EEFSEC: variants seen among roughly 807,000 people sequenced by gnomAD.
EEFSEC encodes the protein eukaryotic elongation factor, selenocysteine-tRNA specific.
Under a neutral mutation model 42.1 loss-of-function variants are expected in EEFSEC, and 43 were observed. That is an observed-to-expected ratio of 1.02 (90% confidence interval 0.80 to 1.32). The LOEUF (loss-of-function observed/expected upper bound fraction) is 1.32, where lower values mean the gene tolerates loss of function less well. Among genes scored for constraint, EEFSEC ranks in the 40% most tolerant of loss-of-function variants. EEFSEC has a pLI of 0.00. For synonymous variants in EEFSEC, 354 were observed against 339.1 expected, an observed-to-expected ratio of 1.04 and a Z score of -0.48; for missense variants, 745 against 803.6, an observed-to-expected ratio of 0.93 and a Z score of 0.88.
intron 1 of EEFSEC, among the ~76,000 whole-genome samples, chr3:128,221,279 A>G (rs1437421462): frequency 6.6e-6 from 1 of 152,222 alleles, no homozygotes. Flanking sequence ...TAGACTAGAA[A>G]AGGAGGTCAA....
At chr3:128,195,455 C>T (rs1273613526) in intron 1 of EEFSEC, among the ~76,000 whole-genome samples, 2 of 152,162 alleles carry the variant, frequency 1.3e-5, no homozygotes, top group African/African-American at 4.8e-5. Flanking sequence ...CCTGTGTCTG[C>T]AGCTGAGCAC....
intron 5 of EEFSEC, among the ~76,000 whole-genome samples, chr3:128,349,519 G>A (rs979818276): frequency 3.3e-5 from 5 of 152,160 alleles, no homozygotes; most frequent in African/African-American, 1.2e-4. Flanking sequence ...GTGAGGGTCT[G>A]GTGCTTAGGA....
chr3:128,246,983 A>G lies in EEFSEC; in HGVS notation c.464A>G (p.Lys155Arg). The change falls in exon 2 of 7, where the codon AAG becomes AGG. Residue 155 changes from lysine to arginine, a missense_variant. Lys to Arg is a conservative substitution (Grantham distance 26, BLOSUM62 2). Coordinates refer to ENST00000254730, the MANE Select transcript of EEFSEC (RefSeq NM_021937.5). ...AAAATAGACCTCTTACCTGAAGGAAAGAGACAGGCAGCAATTGATAAAATG... is the reference window on the plus strand; with the variant it reads ...AAAATAGACCTCTTACCTGAAGGAAGGAGACAGGCAGCAATTGATAAAATG... The part of the protein sequence containing the change: ...LNKIDLLPEG[K>R]RQAAIDKMTK... The G allele has an allele frequency of 1.2e-6, 2 of 1,614,204 alleles. No individual in the cohort carries two copies. Among genetic ancestry groups the G allele is most frequent in the Non-Finnish European group, 1.7e-6 (2 of 1,180,034 alleles).
chr3:128,185,324 G>C (rs755186153), intron 1 of EEFSEC, among the ~76,000 whole-genome samples: 2 of 151,972 alleles, frequency 1.3e-5, no homozygotes, highest in Admixed American at 6.6e-5. Context: ...TTAATATTAT[G>C]AAGCACTTCA....
chr3:128,342,564 G>A (rs927547272), intron 5 of EEFSEC, among the ~76,000 whole-genome samples: 9 of 152,254 alleles, frequency 5.9e-5, no homozygotes, highest in Non-Finnish European at 7.3e-5. Context: ...GTTCACCATC[G>A]CTAGATGCAG....
chr3:128,393,598 G>C (rs970461414), intron 6 of EEFSEC, among the ~76,000 whole-genome samples: 3 of 152,256 alleles, frequency 2.0e-5, no homozygotes, highest in Non-Finnish European at 4.4e-5. Flanking sequence ...CCACAATGCA[G>C]GATCTGAGCC....
chr3:128,266,094 A>T (rs983887445), intron 4 of EEFSEC, among the ~76,000 whole-genome samples: 1 of 152,200 alleles, frequency 6.6e-6, no homozygotes, highest in East Asian at 1.9e-4. Flanking sequence ...TGAGGAGGTT[A>T]ATCCTTTTGT....
chr3:128,306,060 T>G (rs1329903171), intron 4 of EEFSEC, among the ~76,000 whole-genome samples: 1 of 152,208 alleles, frequency 6.6e-6, no homozygotes, highest in Non-Finnish European at 1.5e-5. Context: ...AGTTGTTTGG[T>G]TTTTTTCCCC....
chr3:128,311,589 G>C (rs566652885), intron 4 of EEFSEC, among the ~76,000 whole-genome samples: 1 of 152,206 alleles, frequency 6.6e-6, no homozygotes, highest in Non-Finnish European at 1.5e-5. Context: ...TCAGGCCCAC[G>C]GAGCTAGTTT....
intron 4 of EEFSEC, among the ~76,000 whole-genome samples, chr3:128,295,045 C>A (rs949076437): frequency 1.2e-4 from 18 of 152,156 alleles, no homozygotes. Context: ...GCTGGCTGCA[C>A]CATGTGTGGT....
intron 1 of EEFSEC, among the ~76,000 whole-genome samples, chr3:128,228,748 C>T (rs1201240053): frequency 1.3e-5 from 2 of 152,076 alleles, no homozygotes; most frequent in South Asian, 2.1e-4. Flanking sequence ...ACTCTCTGTG[C>T]CTTGATGTGA....
intron 1 of EEFSEC, among the ~76,000 whole-genome samples, chr3:128,213,699 A>G (rs2065781990): frequency 6.6e-6 from 1 of 152,082 alleles, no homozygotes; most frequent in Admixed American, 6.5e-5. Context: ...AGGCACATTA[A>G]GTTTTAAACT....
intron 4 of EEFSEC, among the ~76,000 whole-genome samples, chr3:128,271,391 A>G (rs1440887256): frequency 6.6e-6 from 1 of 152,170 alleles, no homozygotes. Flanking sequence ...ATATTGAGTG[A>G]CCTTCATCCT....
At chr3:128,370,457 C>T (rs1375259471) in intron 6 of EEFSEC, among the ~76,000 whole-genome samples, 1 of 152,106 alleles carries the variant, frequency 6.6e-6, no homozygotes, top group African/African-American at 2.4e-5. Flanking sequence ...CAGCAGGTCC[C>T]TTGGGAAGTT....
At chr3:128,268,762 G>A (rs1040468135) in intron 4 of EEFSEC, among the ~76,000 whole-genome samples, 1 of 152,138 alleles carries the variant, frequency 6.6e-6, no homozygotes, top group East Asian at 1.9e-4. Flanking sequence ...CCAGAAGCCA[G>A]GAGAGAGGCA....
chr3:128,234,733 G>A (rs575622011), intron 1 of EEFSEC, among the ~76,000 whole-genome samples: 25 of 152,318 alleles, frequency 1.6e-4, no homozygotes, highest in African/African-American at 6.0e-4. Context: ...TTCCTAATAG[G>A]ACAGGTACAT....
At chr3:128,310,275 G>GA (rs913628480) in intron 4 of EEFSEC, among the ~76,000 whole-genome samples, 1 of 152,184 alleles carries the variant, frequency 6.6e-6, no homozygotes, top group African/African-American at 2.4e-5. Flanking sequence ...AAAGTCACAG[G>GA]ATTTCCTTTT....
chr3:128,341,702 C>T lies in EEFSEC; in HGVS notation c.1256C>T (p.Pro419Leu). Residue 419 changes from proline (P) to leucine (L), a missense_variant, in exon 5 of 7, where the codon CCC becomes CTC. By Grantham distance (98) the Pro-to-Leu change is moderately conservative (BLOSUM62 -3). Transcript: ENST00000254730. ...TGGGCCCTGGTGGAGTTTGAGAAGC[C>T]CGTCACCTGCCCTCGGCTGTGCCTG... ...QQWALVEFEK[P>L]VTCPRLCLVI... 1 of 1,614,154 alleles carries T rather than the reference C, an allele frequency of 6.2e-7. No homozygotes were observed. Among genetic ancestry groups the T allele is most frequent in the Non-Finnish European group, 8.5e-7 (1 of 1,180,048 alleles).
the EEFSEC span, among the ~76,000 whole-genome samples, chr3:128,415,391 G>C: frequency 6.6e-6 from 1 of 152,186 alleles, no homozygotes. Context: ...CCTCAGGCAG[G>C]CTTCCGAAGG....
Sources: allele counts gnomAD v4.1 joint callset (sites outside exome capture counted in the v4.1 genomes callset), GRCh38; gene constraint gnomAD v4.1.1; transcripts MANE v1.5; gene names NCBI Gene and HGNC (gene_info 2026-07-23, HGNC 2026-07-21).